Variants in NCK1 observed in about 807,000 individuals in gnomAD.
NCK1 encodes SH2/SH3 adapter protein NCK1.
NCK1 carries 19 observed loss-of-function variants against 36.6 expected under a neutral mutation model. The ratio of observed to expected loss-of-function variants is 0.52; its 90% CI spans 0.36 to 0.76. NCK1 has a LOEUF of 0.76. Ranked by LOEUF, NCK1 falls within the 30% of genes least tolerant of loss-of-function variation. The probability of loss-of-function intolerance (pLI) is 0.00; values close to 1 mark genes in which losing one functional copy is unlikely to be tolerated. For missense variants in NCK1, 358 were observed against 445.6 expected (o/e 0.80, Z 1.77); for synonymous variants, 165 against 156.0 (o/e 1.06, Z -0.43).
chr3:136,874,608 A>G (rs1938714381), intron 1 of NCK1, among the ~76,000 whole-genome samples: 2 of 152,086 alleles, frequency 1.3e-5, no homozygotes, highest in East Asian at 1.9e-4. Flanking sequence ...TGGCTGATAC[A>G]TAGTAGTTTC....
intron 1 of NCK1, among the ~76,000 whole-genome samples, chr3:136,892,592 A>C (rs1325803213): frequency 6.6e-6 from 1 of 152,214 alleles, no homozygotes; most frequent in African/African-American, 2.4e-5. Context: ...GAGCCTTCTG[A>C]AGGAATGCAG....
chr3:136,896,922 A>G (rs778392141), intron 1 of NCK1, among the ~76,000 whole-genome samples: 6 of 151,858 alleles, frequency 4.0e-5, no homozygotes, highest in Admixed American at 6.7e-5. Context: ...ATGGATAACT[A>G]CCCAGTAGTG....
intron 2 of NCK1, among the ~76,000 whole-genome samples, chr3:136,941,615 T>C (rs1326851279): frequency 6.6e-6 from 1 of 152,214 alleles, no homozygotes; most frequent in Non-Finnish European, 1.5e-5. Flanking sequence ...GTATATTACA[T>C]CTTTACACAT....
intron 2 of NCK1, among the ~76,000 whole-genome samples, chr3:136,937,591 G>A (rs927663920): frequency 5.3e-5 from 8 of 152,098 alleles, no homozygotes; most frequent in East Asian, 1.9e-4. Flanking sequence ...ATATCTTTCC[G>A]TTTATTTAAG....
At chr3:136,911,052 CCT>C (rs1293052322) in intron 1 of NCK1, among the ~76,000 whole-genome samples, 1 of 152,116 alleles carries the variant, frequency 6.6e-6, no homozygotes, top group Non-Finnish European at 1.5e-5. Context: ...AGCATAAAGT[CCT>C]CTAGGTTCAT....
intron 1 of NCK1, among the ~76,000 whole-genome samples, chr3:136,910,841 T>C (rs1222705534): frequency 6.6e-6 from 1 of 152,208 alleles, no homozygotes; most frequent in Non-Finnish European, 1.5e-5. Flanking sequence ...TAATACTGAC[T>C]GGAATCACTG....
intron 1 of NCK1, among the ~76,000 whole-genome samples, chr3:136,863,073 G>GTT (rs3076203): frequency 0.68 from 103,484 of 151,734 alleles, 35,564 homozygotes; most frequent in East Asian, 0.87. Context: ...AGGAAGCTGG[G>GTT]TTTTGTTCAG....
chr3:136,866,371 G>A (rs2108060990), intron 1 of NCK1, among the ~76,000 whole-genome samples: 1 of 149,008 alleles, frequency 6.7e-6, no homozygotes, highest in East Asian at 2.0e-4. Context: ...GCAATGGTGC[G>A]ATCTCGGCTC....
At chr3:136,865,980 C>T (rs892189466) in intron 1 of NCK1, among the ~76,000 whole-genome samples, 3 of 152,178 alleles carry the variant, frequency 2.0e-5, no homozygotes, top group Non-Finnish European at 4.4e-5. Context: ...TTGAACTACT[C>T]ACTAGCCTTT....
intron 1 of NCK1, among the ~76,000 whole-genome samples, chr3:136,873,963 A>T (rs1421573135): frequency 2.0e-5 from 3 of 152,186 alleles, no homozygotes; most frequent in Non-Finnish European, 4.4e-5. Flanking sequence ...GTAACCATAT[A>T]GCTTGTATAC....
chr3:136,934,422 A>G (rs927184160), intron 2 of NCK1, among the ~76,000 whole-genome samples: 3 of 151,850 alleles, frequency 2.0e-5, no homozygotes, highest in Non-Finnish European at 4.4e-5. Flanking sequence ...AGTAGCTGGG[A>G]TTACAGGTGC....
chr3:136,877,930 G>A (rs969043653), intron 1 of NCK1, among the ~76,000 whole-genome samples: 2 of 152,112 alleles, frequency 1.3e-5, no homozygotes, highest in South Asian at 4.1e-4. Flanking sequence ...ATGTCCATCA[G>A]CTGATAAATG....
At chr3:136,930,202 G>GT (rs1460197779) in intron 2 of NCK1, among the ~76,000 whole-genome samples, 1 of 152,102 alleles carries the variant, frequency 6.6e-6, no homozygotes, top group African/African-American at 2.4e-5. Context: ...GGTTGTGCTG[G>GT]TGGAGACATT....
At chr3:136,871,874 T>C (rs1938630660) in intron 1 of NCK1, among the ~76,000 whole-genome samples, 1 of 152,224 alleles carries the variant, frequency 6.6e-6, no homozygotes, top group Non-Finnish European at 1.5e-5. Flanking sequence ...TTCTCTTATC[T>C]GCCGCCATGT....
rs185476635 is a variant in NCK1 at position 136,873,047 on chromosome 3, C to T, written c.-19+10694C>T. On this transcript the variant is annotated intron_variant, in intron 1 of 3. Coordinates refer to ENST00000481752, the MANE Select transcript of NCK1 (RefSeq NM_001291999.2). ...CCACACAGAGTTCCTACTCGGGTAC[C>T]GCCTAGTGGAGCTGTGAGAAGAGGG... 4.6e-5 allele frequency among the ~76,000 whole-genome samples: 7 copies of T among 152,280 alleles called. No individual in the cohort carries two copies. The East Asian group carries it at 5.8e-4, about 13-fold the overall frequency.
chr3:136,935,669 T>C (rs566158602), intron 2 of NCK1, among the ~76,000 whole-genome samples: 12 of 152,282 alleles, frequency 7.9e-5, no homozygotes, highest in Non-Finnish European at 1.8e-4. Flanking sequence ...AATAAGGAGA[T>C]AGGATTGTGA....
intron 2 of NCK1, among the ~76,000 whole-genome samples, chr3:136,934,346 T>A (rs1381725993): frequency 6.6e-6 from 1 of 152,018 alleles, no homozygotes; most frequent in Non-Finnish European, 1.5e-5. Flanking sequence ...AGTGCAGTGG[T>A]GTGATCTCGG....
chr3:136,949,693 C>A lies in NCK1; in HGVS notation c.*1240C>A, dbSNP rs1940923899. 6.6e-6 allele frequency: 1 copy of A among 151,976 alleles called. No individual in the cohort carries two copies. Among genetic ancestry groups the A allele is most frequent in the African/African-American group, 2.4e-5 (1 of 41,430 alleles). The allele number at this position is 151,976 out of a possible 1,614,324, so 9.4% of individuals were successfully genotyped here. ...TTTTAATTGAAAAATACTAAAGCCA[C>A]ATAACTGAGTAGGATGTCGTATGAT... is the stretch of plus-strand genomic sequence containing the variant. On this transcript the variant is annotated 3_prime_UTR_variant, in exon 4 of 4. Transcript: ENST00000481752.
intron 1 of NCK1, among the ~76,000 whole-genome samples, chr3:136,917,123 T>A (rs979670003): frequency 1.3e-5 from 2 of 152,160 alleles, no homozygotes; most frequent in African/African-American, 4.8e-5. Flanking sequence ...GTGAGAACAA[T>A]GTGGCATGTT....
Sources: gnomAD v4.1 joint callset for allele counts (sites outside exome capture counted in the v4.1 genomes callset) on GRCh38, gnomAD v4.1.1 for gene constraint, MANE v1.5 for transcripts, NCBI Gene and HGNC (gene_info 2026-07-23, HGNC 2026-07-21) for gene names.